Variants in SCOC observed in about 807,000 individuals in gnomAD.
SCOC encodes short coiled coil protein.
SCOC carries 7 observed loss-of-function variants against 9.9 expected under a neutral mutation model. The ratio of observed to expected loss-of-function variants is 0.71; its 90% confidence interval spans 0.40 to 1.33. The LOEUF is 1.33. Among genes scored for constraint, SCOC ranks in the 40% most tolerant of loss-of-function variants. SCOC has a pLI of 0.01. For synonymous variants in SCOC, 19 were observed against 28.2 expected (o/e 0.67, Z 1.03); for missense variants, 66 against 89.7 (o/e 0.74, Z 1.07).
rs1732528445 is a variant in SCOC at position 140,322,432 on chromosome 4, G to A, written c.-18-21189G>A. Among the ~76,000 whole-genome samples the A allele has an allele frequency of 2.6e-5, 4 of 152,302 alleles. 1 individual carries two copies. In the South Asian group the frequency reaches 8.3e-4, roughly 32 times the overall value. ...CGGAATGCTGGTAGAAGTATGGACA[G>A]TGAAGGACATTCTGATGAGGTTGTA... On this transcript the variant is annotated intron_variant, in intron 1 of 4. Transcript: ENST00000394205.
intron 1 of SCOC, 109 bp downstream of exon 1, chr4:140,373,826 A>C (rs1728186487): frequency 8.1e-7 from 1 of 1,229,504 alleles, no homozygotes; most frequent in Non-Finnish European, 1.1e-6. Context: ...GGCCCTGCGC[A>C]CCGGGGGCCC....
chr4:140,367,142 T>C (rs1040694082), intron 2 of SCOC, among the ~76,000 whole-genome samples: 87 of 151,892 alleles, frequency 5.7e-4, no homozygotes, highest in African/African-American at 2.1e-3. Context: ...GAGGTGCAGG[T>C]TGCAGTCAGC....
intron 1 of SCOC, among the ~76,000 whole-genome samples, chr4:140,274,064 T>C (rs1730922981): frequency 6.6e-6 from 1 of 152,220 alleles, no homozygotes; most frequent in Non-Finnish European, 1.5e-5. Context: ...TGCAAATATG[T>C]GTTTTAGAAA....
intron 1 of SCOC, among the ~76,000 whole-genome samples, chr4:140,275,412 T>G (rs1204919826): frequency 6.6e-6 from 1 of 152,218 alleles, no homozygotes; most frequent in African/African-American, 2.4e-5. Flanking sequence ...ATGATAGCCT[T>G]TACCAAGTTG....
intron 1 of SCOC, chr4:140,284,862 T>C (rs1301050719): frequency 5.8e-6 from 1 of 172,612 alleles, no homozygotes; most frequent in Non-Finnish European, 1.2e-5. Flanking sequence ...AATGGAAATA[T>C]TTTTAAATTC....
At chr4:140,362,277 A>ACTTCTTCTTCTTCTTCTTCTTCTT (rs1305620519) in intron 2 of SCOC, among the ~76,000 whole-genome samples, 19 of 11,664 alleles carry the variant, frequency 1.6e-3, no homozygotes, top group Non-Finnish European at 3.3e-3. Context: ...GTGTGTCCTT[A>ACTTCTTCTTCTTCTTCTTCTTCTT]CTTCTTCTTC....
intron 2 of SCOC, among the ~76,000 whole-genome samples, chr4:140,344,548 CCAGA>C (rs1726638667): frequency 6.6e-6 from 1 of 152,200 alleles, no homozygotes; most frequent in Admixed American, 6.5e-5. Context: ...TAAAGTGCAG[CCAGA>C]CAATTAACAC....
chr4:140,302,384 T>C (rs1438578048), intron 1 of SCOC, among the ~76,000 whole-genome samples: 2 of 152,168 alleles, frequency 1.3e-5, no homozygotes, highest in Admixed American at 6.5e-5. Flanking sequence ...GAGAACCTTG[T>C]TGCCAAAAAG....
At chr4:140,327,438 GAA>G (rs67235727) in intron 1 of SCOC, among the ~76,000 whole-genome samples, 44,455 of 151,772 alleles carry the variant, frequency 0.29, 9,108 homozygotes, top group African/African-American at 0.59. Context: ...TTTCAATACT[GAA>G]AAAAAAAATC....
intron 2 of SCOC, among the ~76,000 whole-genome samples, chr4:140,367,747 C>T (rs866634840): frequency 5.5e-4 from 84 of 152,172 alleles, no homozygotes; most frequent in Admixed American, 3.5e-3. Flanking sequence ...AATGTAGATT[C>T]GTGTTTAGAG....
intron 1 of SCOC, chr4:140,284,160 C>G (rs1243500284): frequency 6.6e-6 from 1 of 151,930 alleles, no homozygotes; most frequent in East Asian, 1.9e-4. Flanking sequence ...GTTCAATTTT[C>G]CTAAATGTCA....
chr4:140,275,820 G>T (rs13137521), intron 1 of SCOC, among the ~76,000 whole-genome samples: 10,728 of 89,850 alleles, frequency 0.12, 808 homozygotes, highest in East Asian at 0.36. Flanking sequence ...GCTCAGGTTT[G>T]TTTTTTTTTT....
upstream of SCOC, among the ~76,000 whole-genome samples, chr4:140,369,559 T>C (rs1727951036): frequency 1.3e-5 from 2 of 152,314 alleles, no homozygotes; most frequent in South Asian, 4.1e-4. Flanking sequence ...AAATAGCAGC[T>C]TGTATGTGCA....
chr4:140,307,035 G>C (rs531494573), intron 1 of SCOC, among the ~76,000 whole-genome samples: 1 of 152,176 alleles, frequency 6.6e-6, no homozygotes, highest in African/African-American at 2.4e-5. Context: ...TGATTAATGG[G>C]GTCTGTGCTC....
chr4:140,276,457 G>A (rs1267485448), intron 1 of SCOC, among the ~76,000 whole-genome samples: 3 of 150,896 alleles, frequency 2.0e-5, no homozygotes, highest in African/African-American at 7.3e-5. Context: ...ACAGGTTTTT[G>A]TTTGTTTGTT....
chr4:140,319,002 T>G (rs1237941268), intron 1 of SCOC, among the ~76,000 whole-genome samples: 2 of 152,226 alleles, frequency 1.3e-5, no homozygotes, highest in Non-Finnish European at 2.9e-5. Flanking sequence ...TTATCCTTTT[T>G]GTTTCTTCTA....
At chr4:140,374,592 C>G (rs773398956) in intron 1 of SCOC, among the ~76,000 whole-genome samples, 7 of 152,148 alleles carry the variant, frequency 4.6e-5, no homozygotes, top group Non-Finnish European at 1.0e-4. Flanking sequence ...AGAACTTGAA[C>G]AGATCTGAAC....
intron 1 of SCOC, among the ~76,000 whole-genome samples, chr4:140,266,522 G>T (rs2126394828): frequency 6.6e-6 from 1 of 152,172 alleles, no homozygotes; most frequent in Middle Eastern, 3.4e-3. Flanking sequence ...TCTCCCAAAG[G>T]CTCCATTTCC....
chr4:140,290,840 C>T (rs950178664), intron 1 of SCOC, among the ~76,000 whole-genome samples: 10 of 152,104 alleles, frequency 6.6e-5, no homozygotes, highest in Non-Finnish European at 1.2e-4. Context: ...AACAAACGAA[C>T]AAACCCCACA....
Sources: allele counts gnomAD v4.1 joint callset (sites outside exome capture counted in the v4.1 genomes callset), GRCh38; gene constraint gnomAD v4.1.1; transcripts MANE v1.5; gene names NCBI Gene and HGNC (gene_info 2026-07-23, HGNC 2026-07-21).